ACTR3C: variants seen among roughly 807,000 people sequenced by gnomAD.
The protein encoded by ACTR3C is actin-related protein 3C.
ACTR3C carries 18 observed loss-of-function variants against 26.3 expected under a neutral mutation model. That is an observed-to-expected ratio of 0.68 (90% CI 0.47 to 1.01). The LOEUF (loss-of-function observed/expected upper bound fraction) is 1.01. Among genes scored for constraint, ACTR3C ranks in the 50% least tolerant of loss-of-function variants. The probability of loss-of-function intolerance (pLI) is 0.00; values close to 1 mark genes in which losing one functional copy is unlikely to be tolerated. For missense variants in ACTR3C, 184 were observed against 250.7 expected, an observed-to-expected ratio of 0.73 and a Z score of 1.80; for synonymous variants, 55 against 94.5, an observed-to-expected ratio of 0.58 and a Z score of 2.42.
chr7:149,914,463 C>T, the ACTR3C span, among the ~76,000 whole-genome samples: 3 of 151,878 alleles, frequency 2.0e-5, no homozygotes, highest in South Asian at 2.1e-4. Context: ...CATGGTGGCA[C>T]GTGCCTGCAG....
chr7:150,037,779 T>A, the ACTR3C span, among the ~76,000 whole-genome samples: 2 of 40,294 alleles, frequency 5.0e-5, no homozygotes, highest in South Asian at 7.1e-4. Context: ...CTCCCCCTCC[T>A]GCGATGGGGG....
intron 4 of ACTR3C, among the ~76,000 whole-genome samples, 178 bp downstream of exon 4, chr7:150,289,272 T>C (rs938092844): frequency 9.9e-5 from 15 of 151,712 alleles, no homozygotes; most frequent in African/African-American, 3.6e-4. Flanking sequence ...AGCATCTAGT[T>C]TGGAAGAGGT....
chr7:150,157,820 C>G, the ACTR3C span, among the ~76,000 whole-genome samples: 2 of 150,512 alleles, frequency 1.3e-5, no homozygotes, highest in Non-Finnish European at 3.0e-5. Context: ...TCATCAATCC[C>G]GCTTTGAGCA....
the ACTR3C span, among the ~76,000 whole-genome samples, chr7:149,955,167 A>C: frequency 6.6e-6 from 1 of 152,192 alleles, no homozygotes; most frequent in Non-Finnish European, 1.5e-5. Context: ...ATGCTAGGTA[A>C]AACTGTAACT....
chr7:149,939,169 G>A, the ACTR3C span, among the ~76,000 whole-genome samples: 3 of 151,852 alleles, frequency 2.0e-5, no homozygotes, highest in African/African-American at 4.8e-5. Context: ...TAGTAGAGAC[G>A]GAATTTCTCC....
chr7:150,294,071 A>G (rs1238608891), intron 2 of ACTR3C, among the ~76,000 whole-genome samples: 12 of 152,352 alleles, frequency 7.9e-5, no homozygotes, highest in Non-Finnish European at 1.5e-4. Flanking sequence ...ACAGATTGGC[A>G]ATGAGGTCAC....
the ACTR3C span, among the ~76,000 whole-genome samples, chr7:150,234,701 G>A: frequency 6.6e-6 from 1 of 152,166 alleles, no homozygotes; most frequent in African/African-American, 2.4e-5. Context: ...TTTCTGGGTG[G>A]CTGTTTGCTG....
the ACTR3C span, among the ~76,000 whole-genome samples, chr7:150,183,487 A>C: frequency 6.7e-6 from 1 of 149,692 alleles, no homozygotes; most frequent in Non-Finnish European, 1.5e-5. Context: ...AATTACTGGA[A>C]GGTAGGGTAT....
At chr7:150,025,519 C>A in the ACTR3C span, among the ~76,000 whole-genome samples, 1 of 151,994 alleles carries the variant, frequency 6.6e-6, no homozygotes, top group East Asian at 1.9e-4. Flanking sequence ...CTCTCTTTTC[C>A]CCAGCAGTAA....
chr7:150,035,512 T>A, the ACTR3C span, among the ~76,000 whole-genome samples: 1 of 113,740 alleles, frequency 8.8e-6, no homozygotes, highest in Admixed American at 8.1e-5. Context: ...TAGCTCTCAG[T>A]CCCCACTCTC....
the ACTR3C span, among the ~76,000 whole-genome samples, chr7:150,178,017 T>C: frequency 4.0e-5 from 6 of 150,748 alleles, 2 homozygotes; most frequent in African/African-American, 1.5e-4. Context: ...ATAACATTGA[T>C]TATGAGACAC....
chr7:149,893,432 T>C, the ACTR3C span, among the ~76,000 whole-genome samples: 23 of 152,174 alleles, frequency 1.5e-4, no homozygotes, highest in Non-Finnish European at 1.5e-4. Flanking sequence ...ATAATAAAAG[T>C]TTACATTTAT....
chr7:149,966,931 G>A, the ACTR3C span, among the ~76,000 whole-genome samples: 3 of 150,704 alleles, frequency 2.0e-5, no homozygotes, highest in South Asian at 2.1e-4. Flanking sequence ...GCGTGATCTC[G>A]GCTCACTGCA....
intron 1 of ACTR3C, among the ~76,000 whole-genome samples, chr7:150,315,937 C>T (rs571401686): frequency 5.1e-4 from 77 of 152,340 alleles, no homozygotes; most frequent in African/African-American, 1.9e-3. Flanking sequence ...GTGGCTCACG[C>T]CTGTAATCCC....
chr7:150,030,935 C>T, the ACTR3C span, among the ~76,000 whole-genome samples: 2 of 152,118 alleles, frequency 1.3e-5, no homozygotes, highest in Non-Finnish European at 2.9e-5. Flanking sequence ...AGGGACAAGT[C>T]CATTTAATTG....
intron 6 of ACTR3C, among the ~76,000 whole-genome samples, chr7:150,256,190 T>G (rs1356879809): frequency 6.6e-6 from 1 of 152,256 alleles, no homozygotes; most frequent in Admixed American, 6.5e-5. Flanking sequence ...ACATCTAGGT[T>G]GAGTCCATGT....
chr7:150,285,847 G>T (rs1047726750), intron 5 of ACTR3C, among the ~76,000 whole-genome samples: 8 of 152,130 alleles, frequency 5.3e-5, no homozygotes, highest in African/African-American at 1.7e-4. Context: ...TTAAAATGAT[G>T]ACATTTCTAA....
the ACTR3C span, among the ~76,000 whole-genome samples, chr7:150,059,232 A>AAAATAAAATAATAAAAAAATCCTAT: frequency 6.6e-6 from 1 of 152,252 alleles, no homozygotes; most frequent in Non-Finnish European, 1.5e-5. Context: ...TTATTTAAGC[A>AAAATAAAATAATAAAAAAATCCTAT]CAGAGCTCCC....
At chr7:150,176,819 T>C in the ACTR3C span, among the ~76,000 whole-genome samples, 2 of 150,992 alleles carry the variant, frequency 1.3e-5, no homozygotes, top group South Asian at 2.1e-4. Context: ...ATAATAAAGA[T>C]GCTTTTAAAA....
Sources: allele counts gnomAD v4.1 joint callset (sites outside exome capture counted in the v4.1 genomes callset), GRCh38; gene constraint gnomAD v4.1.1; transcripts MANE v1.5; gene names NCBI Gene and HGNC (gene_info 2026-07-23, HGNC 2026-07-21).